HINT3: variants seen among roughly 807,000 people sequenced by gnomAD.
The protein encoded by HINT3 is histidine triad nucleotide binding protein 3.
Under a neutral mutation model 19.1 loss-of-function variants are expected in HINT3, and 16 were observed. That is an observed-to-expected ratio of 0.84 (90% CI 0.57 to 1.27). The LOEUF (loss-of-function observed/expected upper bound fraction) is 1.27, where lower values mean the gene tolerates loss of function less well. HINT3 is among the 50% of genes most tolerant of loss of function. The probability of loss-of-function intolerance (pLI) is 0.00; values close to 1 mark genes in which losing one functional copy is unlikely to be tolerated. For synonymous variants in HINT3, 75 were observed against 84.8 expected, an observed-to-expected ratio of 0.88 and a Z score of 0.63; for missense variants, 197 against 225.8, an observed-to-expected ratio of 0.87 and a Z score of 0.82.
chr6:125,968,016 A>G (rs1199922425), intron 2 of HINT3, among the ~76,000 whole-genome samples: 1 of 152,226 alleles, frequency 6.6e-6, no homozygotes, highest in East Asian at 1.9e-4. Context: ...AGATTTAGAT[A>G]AAACTTTTAT....
In HINT3 at chr6:125,957,198, C is replaced by A. The variant is rs1321457797; in HGVS notation, c.201+20C>A. ...TGCGAGGTGGGCGGCGACGCGCGGC[C>A]GGGGGTGGGTGAGGACCTGGCCGCC... is the stretch of plus-strand genomic sequence containing the variant. On this transcript the variant is annotated intron_variant, in intron 1 of 4. Coordinates refer to ENST00000229633, the MANE Select transcript of HINT3 (RefSeq NM_138571.5). 3 of 1,537,582 alleles carry A rather than the reference C, an allele frequency of 2.0e-6. No individual in the cohort carries two copies. The highest frequency in any genetic ancestry group is 2.6e-6 in the Non-Finnish European group (3 of 1,140,294).
At position 125,957,197 on chromosome 6, in the gene HINT3, C is replaced by T; in HGVS notation, c.201+19C>T. The T allele has an allele frequency of 6.5e-7, 1 of 1,538,310 alleles. No homozygotes were observed. The highest frequency in any genetic ancestry group is 8.8e-7 in the Non-Finnish European group (1 of 1,140,614). On this transcript the variant is annotated intron_variant, in intron 1 of 4. Coordinates refer to ENST00000229633, the MANE Select transcript of HINT3 (RefSeq NM_138571.5). Reference sequence around the variant, plus strand: ...CTGCGAGGTGGGCGGCGACGCGCGGCCGGGGGTGGGTGAGGACCTGGCCGC... The same window carrying T: ...CTGCGAGGTGGGCGGCGACGCGCGGTCGGGGGTGGGTGAGGACCTGGCCGC...
chr6:125,962,466 G>T (rs1788959236), intron 1 of HINT3, among the ~76,000 whole-genome samples: 1 of 151,396 alleles, frequency 6.6e-6, no homozygotes, highest in African/African-American at 2.4e-5. Context: ...AAAGGGTAAA[G>T]ATTAATCTTT....
At chr6:125,972,998 C>T (rs912856621) in intron 3 of HINT3, among the ~76,000 whole-genome samples, 16 of 148,942 alleles carry the variant, frequency 1.1e-4, no homozygotes, top group East Asian at 6.0e-4. Flanking sequence ...ATAATTCTAA[C>T]GTGAAATTAA....
chr6:125,966,810 A>T, intron 1 of HINT3, 77 bp from the exon 2 acceptor site: 2 of 892,832 alleles, frequency 2.2e-6, no homozygotes, highest in Non-Finnish European at 3.5e-6. Context: ...GACTGAGATT[A>T]ATGATATTTA....
chr6:125,976,839 G>A (rs2128712253), intron 4 of HINT3, among the ~76,000 whole-genome samples: 1 of 152,184 alleles, frequency 6.6e-6, no homozygotes, highest in South Asian at 2.1e-4. Context: ...AGATTATATA[G>A]TGTGATTGAG....
chr6:125,956,999 C>T lies in HINT3; in HGVS notation c.22C>T (p.Arg8Cys), dbSNP rs1788843224. MAEEQVN[R>C]SAGLAPDCEA... ...TGCAATGGCGGAGGAACAGGTGAAC[C>T]GCAGCGCCGGCCTGGCCCCCGACTG... The change falls in exon 1 of 5, where the codon CGC becomes TGC. Residue 8 changes from arginine (R) to cysteine (C), a missense_variant. Arg to Cys is a radical substitution (Grantham distance 180, BLOSUM62 -3). Coordinates refer to ENST00000229633, the MANE Select transcript of HINT3 (RefSeq NM_138571.5). 1 of 1,550,192 alleles carries T rather than the reference C, an allele frequency of 6.5e-7. No individual in the cohort carries two copies. The highest frequency in any genetic ancestry group is 2.0e-5 in the Admixed American group (1 of 50,984).
intron 2 of HINT3, among the ~76,000 whole-genome samples, chr6:125,971,543 A>G (rs1789100777): frequency 6.6e-6 from 1 of 151,780 alleles, no homozygotes; most frequent in Admixed American, 6.6e-5. Flanking sequence ...TATTTTATTT[A>G]TTTATTTTTG....
intron 2 of HINT3, among the ~76,000 whole-genome samples, chr6:125,967,390 G>C (rs914849914): frequency 6.9e-6 from 1 of 144,084 alleles, no homozygotes; most frequent in African/African-American, 2.6e-5. Flanking sequence ...GGAGTGCGGT[G>C]GTGCAATCTC....
chr6:125,957,179 G>C lies in HINT3; in HGVS notation c.201+1G>C. 3 of 1,543,154 alleles carry C rather than the reference G, an allele frequency of 1.9e-6. No homozygotes were observed. The highest frequency in any genetic ancestry group is 2.6e-6 in the Non-Finnish European group (3 of 1,142,300). ...GGGCACCGAACTCCTGCACTGCGAG[G>C]TGGGCGGCGACGCGCGGCCGGGGGT... On this transcript the variant is annotated splice_donor_variant, in intron 1 of 4. Transcript: ENST00000229633. LOFTEE classifies it high-confidence loss of function.
intron 1 of HINT3, among the ~76,000 whole-genome samples, chr6:125,958,863 C>G (rs1258563317): frequency 6.6e-6 from 1 of 152,180 alleles, no homozygotes; most frequent in Non-Finnish European, 1.5e-5. Flanking sequence ...ACAGGCTTAT[C>G]CAGCCCTCAA....
chr6:125,971,451 T>C (rs1789094699), intron 2 of HINT3, among the ~76,000 whole-genome samples: 1 of 152,342 alleles, frequency 6.6e-6, no homozygotes, highest in African/African-American at 2.4e-5. Flanking sequence ...GATGTTGCAC[T>C]GAGGCTCAAT....
chr6:125,962,161 CACATATATAT>C (rs200607558), intron 1 of HINT3, among the ~76,000 whole-genome samples: 62,995 of 99,284 alleles, frequency 0.63, 22,396 homozygotes, highest in East Asian at 0.96. Context: ...TATATATATA[CACATATATAT>C]ATATATATAT....
At chr6:125,977,053 C>T (rs1789189441) in intron 4 of HINT3, among the ~76,000 whole-genome samples, 1 of 152,144 alleles carries the variant, frequency 6.6e-6, no homozygotes, top group Admixed American at 6.5e-5. Flanking sequence ...CAATGAACCC[C>T]ATTGATAAAT....
In HINT3 at chr6:125,956,914, G is replaced by A. The variant is rs1788841280; in HGVS notation, c.-64G>A. On this transcript the variant is annotated 5_prime_UTR_variant, in exon 1 of 5. Coordinates refer to ENST00000229633, the MANE Select transcript of HINT3 (RefSeq NM_138571.5). ...GTAAAACGGAGGAGGTGCGGGACGC[G>A]GAGACTGCGCGGGCCCGGTAGCCCT... is the stretch of plus-strand genomic sequence containing the variant. 2 of 1,481,610 alleles carry A rather than the reference G, an allele frequency of 1.3e-6. No individual in the cohort carries two copies. Among genetic ancestry groups the A allele is most frequent in the African/African-American group, 1.4e-5 (1 of 71,718 alleles). 91.8% of individuals were successfully genotyped at this position (1,481,610 alleles called of 1,614,324 possible). A position where few individuals can be genotyped will look rare whatever the true frequency, so the allele number is the denominator to read the frequency against.
rs1023045636 is a variant in HINT3 at position 125,957,295 on chromosome 6, G to C, written c.201+117G>C. The stretch of plus-strand genomic sequence containing the variant: ...GAGGATCCCGATCGCTACTCAGCTC[G>C]CAGAGGCAGGGCCGCTCTGTGTGGA... On this transcript the variant is annotated intron_variant, in intron 1 of 4. Coordinates refer to ENST00000229633, the MANE Select transcript of HINT3 (RefSeq NM_138571.5). 17 of 1,122,764 alleles carry C rather than the reference G, an allele frequency of 1.5e-5. No individual in the cohort carries two copies. In the East Asian group the frequency reaches 2.3e-4, roughly 15 times the overall value. 69.6% of individuals were successfully genotyped at this position (1,122,764 alleles called of 1,614,324 possible). A position where few individuals can be genotyped will look rare whatever the true frequency, so the allele number is the denominator to read the frequency against.
intron 3 of HINT3, among the ~76,000 whole-genome samples, chr6:125,972,549 C>G (rs796910042): frequency 5.9e-5 from 9 of 152,216 alleles, no homozygotes; most frequent in African/African-American, 2.2e-4. Flanking sequence ...ACAGACAAGT[C>G]TATATGGGCA....
At chr6:125,961,785 T>G (rs552311589) in intron 1 of HINT3, among the ~76,000 whole-genome samples, 3 of 152,210 alleles carry the variant, frequency 2.0e-5, no homozygotes, top group African/African-American at 7.2e-5. Flanking sequence ...TAGGCCTGAC[T>G]GACAATTCTG....
At chr6:125,962,806 G>A (rs1788962573) in intron 1 of HINT3, among the ~76,000 whole-genome samples, 1 of 152,122 alleles carries the variant, frequency 6.6e-6, no homozygotes, top group Non-Finnish European at 1.5e-5. Flanking sequence ...CCAAAGGGGT[G>A]AAAATTGGTT....
Sources: allele counts gnomAD v4.1 joint callset (sites outside exome capture counted in the v4.1 genomes callset), GRCh38; gene constraint gnomAD v4.1.1; transcripts MANE v1.5; gene names NCBI Gene and HGNC (gene_info 2026-07-23, HGNC 2026-07-21).